The following KCNMA1 variants were observed in gnomAD, a reference collection of about 807,000 sequenced individuals.
KCNMA1 encodes the protein potassium calcium-activated channel subfamily M alpha 1, also known as Calcium-activated potassium channel subunit alpha-1.
Under a neutral mutation model 140.0 loss-of-function variants are expected in KCNMA1, and 29 were observed. That is an observed-to-expected ratio of 0.21 (90% CI 0.15 to 0.28). The LOEUF is 0.28. KCNMA1 is among the 10% of genes least tolerant of loss of function. The pLI, the probability that KCNMA1 is intolerant of heterozygous loss-of-function variation, is 1.00. For synonymous variants in KCNMA1, 612 were observed against 611.9 expected, an observed-to-expected ratio of 1.00 and a Z score of 0.00; for missense variants, 880 against 1,602.2, an observed-to-expected ratio of 0.55 and a Z score of 7.70.
chr10:77,146,701 CAAAAAAAAAAAAA>C (rs5786266), intron 5 of KCNMA1, among the ~76,000 whole-genome samples: 2 of 64,180 alleles, frequency 3.1e-5, no homozygotes, highest in African/African-American at 6.5e-5. Flanking sequence ...GACTTCATCT[CAAAAAAAAAAAAA>C]AAAAAAAAAA....
chr10:77,252,781 T>A (rs1565507239), intron 2 of KCNMA1, among the ~76,000 whole-genome samples: 1 of 151,950 alleles, frequency 6.6e-6, no homozygotes, highest in Non-Finnish European at 1.5e-5. Flanking sequence ...AATTGGACAC[T>A]GTAAAAGGAA....
chr10:77,025,123 T>C (rs1285748733), intron 16 of KCNMA1, among the ~76,000 whole-genome samples: 1 of 151,318 alleles, frequency 6.6e-6, no homozygotes, highest in African/African-American at 2.4e-5. Flanking sequence ...AGTGTGCCTT[T>C]CCTTTCTTAG....
chr10:77,206,484 C>T (rs1167948348), intron 3 of KCNMA1, among the ~76,000 whole-genome samples: 1 of 152,090 alleles, frequency 6.6e-6, no homozygotes, highest in African/African-American at 2.4e-5. Context: ...TAAAGTCATG[C>T]GCCAAACTTC....
chr10:76,952,117 T>G, intron 21 of KCNMA1: 1 of 1,552,084 alleles, frequency 6.4e-7, no homozygotes, highest in Non-Finnish European at 8.7e-7. Flanking sequence ...TCCAGGCAAG[T>G]CATTAAAACC....
intron 3 of KCNMA1, among the ~76,000 whole-genome samples, chr10:77,218,628 T>C (rs71475643): frequency 0.12 from 18,893 of 152,224 alleles, 1,452 homozygotes; most frequent in Non-Finnish European, 0.17. Flanking sequence ...CCCAAGAGCA[T>C]CCTTTCTTTA....
At chr10:76,890,936 G>A (rs775143512) in intron 26 of KCNMA1, among the ~76,000 whole-genome samples, 3 of 152,174 alleles carry the variant, frequency 2.0e-5, no homozygotes, top group South Asian at 4.1e-4. Flanking sequence ...TTGTTTGGCC[G>A]GTGGTTCTGG....
At chr10:77,245,582 G>A (rs1221367909) in intron 3 of KCNMA1, among the ~76,000 whole-genome samples, 1 of 152,186 alleles carries the variant, frequency 6.6e-6, no homozygotes, top group Non-Finnish European at 1.5e-5. Context: ...AAGTCCATTA[G>A]TTTGATAATA....
downstream of KCNMA1, chr10:76,883,936 T>A: frequency 3.4e-6 from 3 of 878,114 alleles, no homozygotes; most frequent in South Asian, 5.2e-5. Flanking sequence ...GTAATGATCC[T>A]TCTCCATCAT....
intron 2 of KCNMA1, among the ~76,000 whole-genome samples, chr10:77,310,451 C>G (rs2078984856): frequency 6.6e-6 from 1 of 152,214 alleles, no homozygotes. Context: ...ATCTTAGGCA[C>G]ATTAACATAT....
chr10:77,408,278 G>T (rs1403020458), intron 1 of KCNMA1, among the ~76,000 whole-genome samples: 1 of 152,174 alleles, frequency 6.6e-6, no homozygotes, highest in African/African-American at 2.4e-5. Context: ...ATGCAGCCAC[G>T]CCCAAACCTT....
chr10:77,576,853 G>A (rs954684991), intron 1 of KCNMA1, among the ~76,000 whole-genome samples: 13 of 152,132 alleles, frequency 8.5e-5, no homozygotes, highest in African/African-American at 1.2e-4. Context: ...GTCATTTAAC[G>A]GGAGGAGGAA....
chr10:77,335,575 G>A (rs1207620244), intron 2 of KCNMA1, among the ~76,000 whole-genome samples: 1 of 152,136 alleles, frequency 6.6e-6, no homozygotes, highest in Non-Finnish European at 1.5e-5. Flanking sequence ...AGGCTCCTAG[G>A]TGATTCTAAT....
At chr10:77,599,322 G>A (rs190456286) in intron 1 of KCNMA1, among the ~76,000 whole-genome samples, 1 of 152,300 alleles carries the variant, frequency 6.6e-6, no homozygotes, top group Non-Finnish European at 1.5e-5. Flanking sequence ...TTGGCCACCT[G>A]GCTCAACTCT....
At chr10:77,324,274 A>G (rs145271232) in intron 2 of KCNMA1, among the ~76,000 whole-genome samples, 77 of 152,256 alleles carry the variant, frequency 5.1e-4, no homozygotes, top group African/African-American at 1.8e-3. Flanking sequence ...AGCTCTGCCA[A>G]TTCCCAGCTG....
At chr10:76,934,768 C>A (rs1220297628) in intron 23 of KCNMA1, among the ~76,000 whole-genome samples, 1 of 152,182 alleles carries the variant, frequency 6.6e-6, no homozygotes, top group African/African-American at 2.4e-5. Context: ...TTACTTCTCT[C>A]TGATTCTACA....
At chr10:77,377,625 C>T (rs947353835) in intron 2 of KCNMA1, among the ~76,000 whole-genome samples, 7 of 152,164 alleles carry the variant, frequency 4.6e-5, no homozygotes, top group Non-Finnish European at 1.0e-4. Context: ...ATACAGTCTC[C>T]TCCTGACCCC....
intron 1 of KCNMA1, among the ~76,000 whole-genome samples, chr10:77,538,251 T>G (rs958701131): frequency 1.3e-4 from 20 of 151,860 alleles, no homozygotes; most frequent in African/African-American, 4.1e-4. Context: ...ACACATATAC[T>G]GTCACACTCA....
At chr10:77,109,065 A>G (rs537622324) in intron 8 of KCNMA1, among the ~76,000 whole-genome samples, 153 of 152,146 alleles carry the variant, frequency 1.0e-3, no homozygotes, top group African/African-American at 3.6e-3. Flanking sequence ...TATTAAAAAA[A>G]AAAAAACACT....
intron 2 of KCNMA1, among the ~76,000 whole-genome samples, chr10:77,272,682 T>A (rs1250861395): frequency 6.6e-6 from 1 of 152,182 alleles, no homozygotes; most frequent in Non-Finnish European, 1.5e-5. Context: ...ATTATGTTTC[T>A]CATCCTAATT....
Sources: gnomAD v4.1 joint callset for allele counts (sites outside exome capture counted in the v4.1 genomes callset) on GRCh38, gnomAD v4.1.1 for gene constraint, MANE v1.5 for transcripts, NCBI Gene and HGNC (gene_info 2026-07-23, HGNC 2026-07-21) for gene names.